Variants in TERB1 observed in about 807,000 individuals in gnomAD.
The protein encoded by TERB1 is telomere repeat binding bouquet formation protein 1, also known as telomere repeats-binding bouquet formation protein 1.
Under a neutral mutation model 92.3 loss-of-function variants are expected in TERB1, and 63 were observed. The ratio of observed to expected loss-of-function variants is 0.68; its 90% CI spans 0.56 to 0.84. The LOEUF (loss-of-function observed/expected upper bound fraction) is 0.84. TERB1 is among the 40% of genes least tolerant of loss of function. The probability of loss-of-function intolerance (pLI) is 0.00; values close to 1 mark genes in which losing one functional copy is unlikely to be tolerated. For synonymous variants in TERB1, 252 were observed against 283.9 expected (o/e 0.89, Z 1.13); for missense variants, 709 against 843.7 (o/e 0.84, Z 1.98).
intron 6 of TERB1, among the ~76,000 whole-genome samples, chr16:66,787,130 G>C (rs888565407): frequency 6.6e-6 from 1 of 151,934 alleles, no homozygotes; most frequent in Non-Finnish European, 1.5e-5. Context: ...GCAGAGTCTC[G>C]CTCTGTCACT....
rs1358853654 is a variant in TERB1 at position 66,790,975 on chromosome 16, G to T, written c.76C>A (p.Gln26Lys). The change falls in exon 4 of 19, where the codon CAA becomes AAA. Residue 26 changes from glutamine (Q) to lysine (K), a missense_variant. By Grantham distance (53) the Gln-to-Lys change is moderately conservative (BLOSUM62 1). Coordinates refer to ENST00000433154, the MANE Select transcript of TERB1 (RefSeq NM_001136505.2). ...TTTTGTGAAAAAGCATTGTCCATTT[G>T]ATACTTTAGACACTCCAATAATAAG... ...LNLLLECLKY[Q>K]MDNAFSQKEA... is the part of the protein sequence containing the mutation. 6.5e-7 allele frequency: 1 copy of T among 1,548,790 alleles called. No individual in the cohort carries two copies. Among genetic ancestry groups the T allele is most frequent in the Non-Finnish European group, 8.7e-7 (1 of 1,145,364 alleles).
chr16:66,778,834 C>A (rs13339436), intron 10 of TERB1, 29 bp downstream of exon 10: 1 of 1,451,502 alleles, frequency 6.9e-7, no homozygotes, highest in Non-Finnish European at 9.2e-7. Flanking sequence ...AATTCAATTT[C>A]AAAAAAACTA....
chr16:66,789,017 C>CAAAAAAAAAA (rs57876042), intron 5 of TERB1, among the ~76,000 whole-genome samples: 8 of 68,316 alleles, frequency 1.2e-4, no homozygotes, highest in Non-Finnish European at 1.8e-4. Flanking sequence ...GGTATGGTAC[C>CAAAAAAAAAA]AAAAAAAAAA....
chr16:66,771,973 A>G (rs1429366533), intron 13 of TERB1, among the ~76,000 whole-genome samples: 2 of 152,126 alleles, frequency 1.3e-5, no homozygotes, highest in Non-Finnish European at 1.5e-5. Context: ...TCTTTCTTGA[A>G]CCCCAATTAT....
At chr16:66,779,325 T>C (rs758019401) in intron 9 of TERB1, among the ~76,000 whole-genome samples, 3 of 152,092 alleles carry the variant, frequency 2.0e-5, no homozygotes, top group Non-Finnish European at 4.4e-5. Flanking sequence ...AGGCCGAGCA[T>C]GGTGGCTCAT....
Position 66,759,290 on chromosome 16 carries a change from C to A in TERB1, c.1781G>T (p.Gly594Val), listed in dbSNP as rs1196711024. Residue 594 changes from glycine to valine, a missense_variant and splice_region_variant, in exon 17 of 19, where the codon GGT (glycine) becomes GTT (valine). Coordinates refer to ENST00000433154, the MANE Select transcript of TERB1 (RefSeq NM_001136505.2). ...CAGGGATTTTTCTACTGCTATGCAA[C>A]CTAAAAGAAAACAAATTAAAGTTAT... Reference protein sequence around the residue: ...CSEMLTYRCSGCIAVEKSLNS... With the variant: ...CSEMLTYRCSVCIAVEKSLNS... 4 of 1,523,776 alleles carry A rather than the reference C, an allele frequency of 2.6e-6. No individual in the cohort carries two copies. The highest frequency in any genetic ancestry group is 3.5e-6 in the Non-Finnish European group (4 of 1,139,206). The allele number at this position is 1,523,776 out of a possible 1,614,324, so 94.4% of individuals were successfully genotyped here.
intron 6 of TERB1, among the ~76,000 whole-genome samples, chr16:66,787,054 T>C (rs749024704): frequency 2.7e-4 from 41 of 152,142 alleles, no homozygotes; most frequent in Non-Finnish European, 4.4e-4. Flanking sequence ...AGCCTTGGCC[T>C]CCCCAAGTGC....
chr16:66,795,163 T>C (rs1451837175), intron 3 of TERB1, among the ~76,000 whole-genome samples: 1 of 152,168 alleles, frequency 6.6e-6, no homozygotes, highest in Non-Finnish European at 1.5e-5. Context: ...TAAATAGACA[T>C]CTGTCCAAAG....
At chr16:66,776,641 T>G in intron 11 of TERB1, among the ~76,000 whole-genome samples, 1 of 144,960 alleles carries the variant, frequency 6.9e-6, no homozygotes, top group Non-Finnish European at 1.5e-5. Flanking sequence ...GAGAGAGGGG[T>G]AGAGAGGAAA....
At chr16:66,796,177 T>C (rs2018926906) in intron 3 of TERB1, among the ~76,000 whole-genome samples, 1 of 152,218 alleles carries the variant, frequency 6.6e-6, no homozygotes. Context: ...ACCATTAACA[T>C]AACAAATTAC....
At chr16:66,776,454 G>C (rs2145157148) in intron 11 of TERB1, among the ~76,000 whole-genome samples, 1 of 152,210 alleles carries the variant, frequency 6.6e-6, no homozygotes, top group South Asian at 2.1e-4. Context: ...AAACTCACTT[G>C]GTTTGAAAAA....
intron 11 of TERB1, among the ~76,000 whole-genome samples, chr16:66,776,713 G>T (rs373361103): frequency 6.6e-6 from 1 of 151,900 alleles, no homozygotes; most frequent in East Asian, 1.9e-4. Flanking sequence ...AAAGTAGAGA[G>T]GAGGAGGAAA....
chr16:66,788,397 T>G (rs2018763892), intron 5 of TERB1, 100 bp from the exon 6 acceptor site: 5 of 922,138 alleles, frequency 5.4e-6, no homozygotes, highest in Admixed American at 3.9e-5. Flanking sequence ...CGATGGTTCT[T>G]AACCAAATCT....
intron 17 of TERB1, 116 bp from the exon 18 acceptor site, chr16:66,758,954 T>G: frequency 4.2e-6 from 4 of 948,816 alleles, no homozygotes; most frequent in Non-Finnish European, 6.3e-6. Context: ...TTAGATAGAT[T>G]AGGAAGAATT....
intron 18 of TERB1, among the ~76,000 whole-genome samples, chr16:66,757,066 T>C (rs557124202): frequency 6.6e-6 from 1 of 152,138 alleles, no homozygotes; most frequent in South Asian, 2.1e-4. Flanking sequence ...CGGTGGTGAG[T>C]ATCCTAAAAA....
chr16:66,785,946 A>C, intron 8 of TERB1, 38 bp from the exon 9 acceptor site: 1 of 1,529,734 alleles, frequency 6.5e-7, no homozygotes. Context: ...TTAATATGAC[A>C]ATTGGAAAAT....
chr16:66,788,339 A>C, intron 5 of TERB1, 42 bp from the exon 6 acceptor site: 1 of 1,427,550 alleles, frequency 7.0e-7, no homozygotes, highest in South Asian at 1.5e-5. Context: ...GCATTGTCAC[A>C]AACATGCTTT....
chr16:66,788,238 A>T lies in TERB1; in HGVS notation c.331T>A (p.Ser111Thr). The T allele has an allele frequency of 6.6e-7, 1 of 1,514,024 alleles. No individual in the cohort carries two copies. Among genetic ancestry groups the T allele is most frequent in the Non-Finnish European group, 8.8e-7 (1 of 1,131,286 alleles). 93.8% of individuals were successfully genotyped at this position (1,514,024 alleles called of 1,614,324 possible). The change falls in exon 6 of 19, where the codon TCT becomes ACT. Residue 111 changes from serine to threonine, a missense_variant. By Grantham distance (58) the Ser-to-Thr change is moderately conservative. Transcript: ENST00000433154. The part of the protein sequence containing the change: ...ELFEDLTWFL[S>T]NDSNINLKRM... The stretch of plus-strand genomic sequence containing the variant: ...TTCAAATTTATGTTTGAATCATTAG[A>T]TAAGAACCAAGTTAAGTCTTCAAAC...
chr16:66,772,575 A>C lies in TERB1; in HGVS notation c.1272+14T>G. On this transcript the variant is annotated intron_variant, in intron 13 of 18. Transcript: ENST00000433154. ...TGAAAAAAGTTCTATATTCTTTAAAACAAAGAATCCAACCTCATTTCCTTC... is the reference window on the plus strand; with the variant it reads ...TGAAAAAAGTTCTATATTCTTTAAACCAAAGAATCCAACCTCATTTCCTTC... The C allele has an allele frequency of 6.5e-7, 1 of 1,534,654 alleles. No homozygotes were observed. The highest frequency in any genetic ancestry group is 1.3e-5 in the South Asian group (1 of 79,684).
Sources: gnomAD v4.1 joint callset for allele counts (sites outside exome capture counted in the v4.1 genomes callset) on GRCh38, gnomAD v4.1.1 for gene constraint, MANE v1.5 for transcripts, NCBI Gene and HGNC (gene_info 2026-07-23, HGNC 2026-07-21) for gene names.